The following COPS3 variants were observed in gnomAD, a reference collection of about 807,000 sequenced individuals.
The protein encoded by COPS3 is COP9 signalosome complex subunit 3.
Under a neutral mutation model 58.2 loss-of-function variants are expected in COPS3, and 10 were observed. That is an observed-to-expected ratio of 0.17 (90% CI 0.11 to 0.29). COPS3 has a LOEUF of 0.29. Among genes scored for constraint, COPS3 ranks in the 10% least tolerant of loss-of-function variants. COPS3 has a pLI of 1.00. For synonymous variants in COPS3, 187 were observed against 181.7 expected (o/e 1.03, Z -0.24); for missense variants, 333 against 510.1 (o/e 0.65, Z 3.34).
At chr17:17,260,566 G>T in intron 7 of COPS3, 92 bp from the exon 8 acceptor site, 1 of 1,247,046 alleles carries the variant, frequency 8.0e-7, no homozygotes, top group Non-Finnish European at 1.1e-6. Context: ...CACTTTGGGA[G>T]GCCGAGGCGG....
At chr17:17,280,100 T>C (rs1348602377) in intron 1 of COPS3, among the ~76,000 whole-genome samples, 1 of 152,068 alleles carries the variant, frequency 6.6e-6, no homozygotes, top group African/African-American at 2.4e-5. Flanking sequence ...ACCCCATCTC[T>C]ATTAAAAATA....
chr17:17,269,015 T>C (rs999074561), intron 4 of COPS3, among the ~76,000 whole-genome samples: 1 of 152,020 alleles, frequency 6.6e-6, no homozygotes, highest in Non-Finnish European at 1.5e-5. Context: ...TAATCTTAAA[T>C]TTACTTTCAA....
At chr17:17,277,235 G>T (rs1455370900) in intron 1 of COPS3, among the ~76,000 whole-genome samples, 1 of 152,050 alleles carries the variant, frequency 6.6e-6, no homozygotes, top group African/African-American at 2.4e-5. Flanking sequence ...GCTAAGCTGG[G>T]TATCTGCCCT....
intron 5 of COPS3, among the ~76,000 whole-genome samples, chr17:17,267,392 G>T (rs1338228547): frequency 1.3e-5 from 2 of 150,796 alleles, no homozygotes; most frequent in East Asian, 3.9e-4. Flanking sequence ...TGTAATCCTA[G>T]CACTTTGGGA....
At chr17:17,256,846 T>C (rs892964888) in intron 8 of COPS3, among the ~76,000 whole-genome samples, 1 of 152,032 alleles carries the variant, frequency 6.6e-6, no homozygotes, top group African/African-American at 2.4e-5. Context: ...CTGCCTCAGC[T>C]CCCCAAAGTG....
chr17:17,276,291 G>A (rs1475225167), intron 1 of COPS3, 127 bp from the exon 2 acceptor site: 10 of 1,248,798 alleles, frequency 8.0e-6, no homozygotes, highest in African/African-American at 3.0e-5. Context: ...CCTTCACTTC[G>A]GATGAGGATC....
intron 1 of COPS3, 42 bp from the exon 2 acceptor site, chr17:17,276,206 C>CTGGT: frequency 6.2e-7 from 1 of 1,607,570 alleles, no homozygotes; most frequent in Non-Finnish European, 8.5e-7. Flanking sequence ...AGCTACAGCA[C>CTGGT]TAACCAAACT....
chr17:17,272,540 C>T (rs2048375717), intron 2 of COPS3, among the ~76,000 whole-genome samples: 1 of 152,216 alleles, frequency 6.6e-6, no homozygotes, highest in Non-Finnish European at 1.5e-5. Flanking sequence ...ATGTAATCCA[C>T]AGGAATGTCC....
chr17:17,252,773 C>A (rs1708623), intron 9 of COPS3, among the ~76,000 whole-genome samples: 1 of 152,000 alleles, frequency 6.6e-6, no homozygotes, highest in African/African-American at 2.4e-5. Context: ...TTGGGGAAAG[C>A]GTCTATAGCT....
In COPS3 at chr17:17,270,966, C is replaced by T. The variant is rs757348538; in HGVS notation, c.228G>A (p.Thr76=). ...FSMPSVPDFE[T]LFSQVQLFIS... is the part of the protein sequence containing the mutation. ...TGAAGAGCTGAACCTGTGAGAATAG[C>T]GTTTCGAAGTCAGGAACACTGGGCA... Residue 76 remains threonine (T), a synonymous_variant, in exon 3 of 12, where the codon ACG becomes ACA. Coordinates refer to ENST00000268717, the MANE Select transcript of COPS3 (RefSeq NM_003653.4). 3 of 1,613,918 alleles carry T rather than the reference C, an allele frequency of 1.9e-6. No homozygotes were observed. Among genetic ancestry groups the T allele is most frequent in the Non-Finnish European group, 1.7e-6 (2 of 1,179,962 alleles).
intron 8 of COPS3, 63 bp downstream of exon 8, chr17:17,260,234 GGAGA>G (rs1434561581): frequency 5.4e-6 from 8 of 1,479,182 alleles, no homozygotes; most frequent in Non-Finnish European, 7.5e-6. Flanking sequence ...CTCTGAAAAG[GGAGA>G]GAAAGGGAAA....
intron 9 of COPS3, among the ~76,000 whole-genome samples, chr17:17,254,618 T>C (rs555029129): frequency 1.5e-3 from 234 of 151,968 alleles, no homozygotes; most frequent in African/African-American, 5.4e-3. Context: ...GAGACCAGCC[T>C]GACCAACATG....
At chr17:17,271,840 C>CTATCTA (rs1555620659) in intron 2 of COPS3, among the ~76,000 whole-genome samples, 11 of 139,168 alleles carry the variant, frequency 7.9e-5, no homozygotes, top group African/African-American at 1.6e-4. Context: ...CTATATATAT[C>CTATCTA]TATATATATA....
Position 17,246,627 on chromosome 17 carries a change from C to T in COPS3, c.*471G>A, listed in dbSNP as rs1567842365. On this transcript the variant is annotated 3_prime_UTR_variant, in exon 12 of 12. Coordinates refer to ENST00000268717, the MANE Select transcript of COPS3 (RefSeq NM_003653.4). ...GGTGTGAGCCACTGTGTCTGTCTGG[C>T]CTTTCTTTTCTTTTATTTTCTGAAG... Among the ~76,000 whole-genome samples, 1 of 151,916 alleles carries T rather than the reference C, an allele frequency of 6.6e-6. No individual in the cohort carries two copies. Among genetic ancestry groups the T allele is most frequent in the East Asian group, 1.9e-4 (1 of 5,188 alleles).
At chr17:17,267,824 G>T in intron 5 of COPS3, 61 bp downstream of exon 5, 1 of 1,543,964 alleles carries the variant, frequency 6.5e-7, no homozygotes, top group Non-Finnish European at 8.9e-7. Context: ...CCAATGTTGA[G>T]CAAGCCCATA....
intron 9 of COPS3, 91 bp downstream of exon 9, chr17:17,254,768 C>T: frequency 2.7e-6 from 2 of 746,308 alleles, no homozygotes; most frequent in Non-Finnish European, 4.2e-6. Context: ...CAAGACTGTG[C>T]CACTACACTC....
rs1382579257 is a variant in COPS3 at position 17,269,629 on chromosome 17, A to G, written c.348+1129T>C. Among the ~76,000 whole-genome samples the G allele has an allele frequency of 2.0e-5, 3 of 152,272 alleles. No homozygotes were observed. The South Asian group carries it at 6.2e-4, about 32-fold the overall frequency. ...AAATAACTAAATAAATTTTTTAAAA[A>G]TCCACATTATAAATTATGTATTATA... On this transcript the variant is annotated intron_variant, in intron 4 of 11. Coordinates refer to ENST00000268717, the MANE Select transcript of COPS3 (RefSeq NM_003653.4).
intron 2 of COPS3, among the ~76,000 whole-genome samples, chr17:17,271,230 G>A (rs575688558): frequency 6.6e-6 from 1 of 152,234 alleles, no homozygotes; most frequent in African/African-American, 2.4e-5. Context: ...AGGAGTTTGA[G>A]ACCAGTCTGA....
chr17:17,263,198 G>T (rs1420998839), intron 6 of COPS3, among the ~76,000 whole-genome samples: 3 of 150,800 alleles, frequency 2.0e-5, no homozygotes, highest in African/African-American at 7.3e-5. Flanking sequence ...TGAGGCAGGA[G>T]AATGGTGTGA....
Sources: gnomAD v4.1 joint callset for allele counts (sites outside exome capture counted in the v4.1 genomes callset) on GRCh38, gnomAD v4.1.1 for gene constraint, MANE v1.5 for transcripts, NCBI Gene and HGNC (gene_info 2026-07-23, HGNC 2026-07-21) for gene names.